CTNNA2: variants seen among roughly 807,000 people sequenced by gnomAD.
CTNNA2 encodes catenin alpha 2, also known as catenin alpha-2.
A neutral mutation model predicts 101.0 loss-of-function variants in CTNNA2; 42 were observed. The ratio of observed to expected loss-of-function variants is 0.42; its 90% CI spans 0.32 to 0.54. CTNNA2 has a LOEUF of 0.54. Ranked by LOEUF, CTNNA2 falls within the 20% of genes least tolerant of loss-of-function variation. The probability of loss-of-function intolerance (pLI) is 0.14; values close to 1 mark genes in which losing one functional copy is unlikely to be tolerated. For synonymous variants in CTNNA2, 450 were observed against 456.4 expected (o/e 0.99, Z 0.18); for missense variants, 871 against 1,223.1 (o/e 0.71, Z 4.29).
chr2:79,309,504 G>T (rs1486757936), intron 2 of CTNNA2, among the ~76,000 whole-genome samples: 2 of 152,150 alleles, frequency 1.3e-5, no homozygotes, highest in African/African-American at 4.8e-5. Flanking sequence ...AGAACAAAAA[G>T]CAGATTGATT....
intron 11 of CTNNA2, among the ~76,000 whole-genome samples, chr2:80,546,595 A>G (rs1692085592): frequency 6.6e-6 from 1 of 152,208 alleles, no homozygotes; most frequent in Non-Finnish European, 1.5e-5. Flanking sequence ...AGGTTGTAGA[A>G]GGAAGCGAGT....
rs1172114749 is a variant in CTNNA2, at chr2:80,393,301, T to C, written c.1137+10T>C. 1 of 1,590,438 alleles carries C rather than the reference T, an allele frequency of 6.3e-7. No individual in the cohort carries two copies. Among genetic ancestry groups the C allele is most frequent in the Non-Finnish European group, 8.6e-7 (1 of 1,164,728 alleles). On this transcript the variant is annotated intron_variant, in intron 8 of 18. Transcript: ENST00000402739. Reference sequence around the variant, plus strand: ...AGATCTAAGGAGACAGGTACTATTTTTTATTTTTACTTTAAGTCCATGATA... The same window carrying C: ...AGATCTAAGGAGACAGGTACTATTTCTTATTTTTACTTTAAGTCCATGATA...
At chr2:79,287,956 T>A (rs1675663547) in intron 2 of CTNNA2, among the ~76,000 whole-genome samples, 1 of 152,232 alleles carries the variant, frequency 6.6e-6, no homozygotes, top group African/African-American at 2.4e-5. Flanking sequence ...CCTGATGCGC[T>A]GTTTTTTAAG....
At chr2:80,174,593 T>C (rs186180756) in intron 7 of CTNNA2, among the ~76,000 whole-genome samples, 1 of 152,304 alleles carries the variant, frequency 6.6e-6, no homozygotes, top group African/African-American at 2.4e-5. Flanking sequence ...AACGATAGTC[T>C]CCTTGAAGCC....
intron 3 of CTNNA2, among the ~76,000 whole-genome samples, chr2:79,785,062 A>G (rs1048324969): frequency 6.6e-6 from 1 of 152,092 alleles, no homozygotes; most frequent in African/African-American, 2.4e-5. Context: ...CTCTGATCCA[A>G]ACAACGCCAT....
chr2:80,140,450 A>G (rs1475248681), intron 7 of CTNNA2, among the ~76,000 whole-genome samples: 1 of 152,064 alleles, frequency 6.6e-6, no homozygotes, highest in Non-Finnish European at 1.5e-5. Flanking sequence ...CACCTTTTGG[A>G]TCCAACATGG....
At chr2:80,467,232 C>A (rs1684935117) in intron 9 of CTNNA2, among the ~76,000 whole-genome samples, 1 of 152,122 alleles carries the variant, frequency 6.6e-6, no homozygotes, top group Non-Finnish European at 1.5e-5. Flanking sequence ...TACCTCCATC[C>A]TTCATGCACA....
chr2:79,390,579 T>A (rs997322368), intron 4 of CTNNA2, among the ~76,000 whole-genome samples: 1 of 152,170 alleles, frequency 6.6e-6, no homozygotes, highest in Non-Finnish European at 1.5e-5. Context: ...TTGATGTGGC[T>A]GCCACTTTAG....
At position 80,511,241 on chromosome 2, in the gene CTNNA2, A is replaced by G. The variant is rs544901241; in HGVS notation, c.1291-33741A>G. ...GCAAAATTGTAAAAAATTCAAAAGC[A>G]TAATGAGAGTTTTAGAGATGGAAAG... is the stretch of plus-strand genomic sequence containing the variant. On this transcript the variant is annotated intron_variant, in intron 9 of 18. Transcript: ENST00000402739. 2.1e-4 allele frequency among the ~76,000 whole-genome samples: 32 copies of G among 152,348 alleles called. No homozygotes were observed. In the East Asian group the frequency reaches 5.4e-3, roughly 26 times the overall value.
chr2:79,463,620 T>C (rs1405207517), intron 4 of CTNNA2, among the ~76,000 whole-genome samples: 1 of 152,122 alleles, frequency 6.6e-6, no homozygotes, highest in Non-Finnish European at 1.5e-5. Context: ...CTCAACAATG[T>C]TGTAGAAAAA....
At chr2:79,659,012 A>C (rs1482894917) in intron 2 of CTNNA2, among the ~76,000 whole-genome samples, 2 of 152,004 alleles carry the variant, frequency 1.3e-5, no homozygotes, top group African/African-American at 4.8e-5. Flanking sequence ...AAAGTAATCA[A>C]TTTTCTCCCT....
At chr2:79,526,835 C>G (rs1192341787) in intron 1 of CTNNA2, among the ~76,000 whole-genome samples, 1 of 152,024 alleles carries the variant, frequency 6.6e-6, no homozygotes, top group Non-Finnish European at 1.5e-5. Context: ...TAATGATAGA[C>G]TTCAATATGC....
intron 7 of CTNNA2, among the ~76,000 whole-genome samples, chr2:80,296,851 C>T (rs1163336175): frequency 6.6e-6 from 1 of 152,140 alleles, no homozygotes; most frequent in Non-Finnish European, 1.5e-5. Flanking sequence ...TTAACTGTCT[C>T]CAGACACAAA....
intron 3 of CTNNA2, among the ~76,000 whole-genome samples, chr2:79,371,288 T>C (rs1573131179): frequency 6.6e-6 from 1 of 151,818 alleles, no homozygotes; most frequent in South Asian, 2.1e-4. Flanking sequence ...ATGAGGCTTC[T>C]CCAGACAGGA....
intron 3 of CTNNA2, among the ~76,000 whole-genome samples, chr2:79,853,625 T>C (rs1680898154): frequency 2.6e-5 from 4 of 152,018 alleles, no homozygotes; most frequent in Admixed American, 6.6e-5. Flanking sequence ...CCTAAAACTC[T>C]GCCTTCCACA....
At chr2:80,086,619 A>G (rs1462252365) in intron 7 of CTNNA2, among the ~76,000 whole-genome samples, 2 of 152,036 alleles carry the variant, frequency 1.3e-5, no homozygotes, top group African/African-American at 4.8e-5. Flanking sequence ...GACCCCGGGC[A>G]AGGCATCTAC....
intron 2 of CTNNA2, among the ~76,000 whole-genome samples, chr2:79,244,649 T>C (rs1162762086): frequency 6.6e-6 from 1 of 152,182 alleles, no homozygotes; most frequent in African/African-American, 2.4e-5. Context: ...AGACACAACA[T>C]GTAAGCTCCA....
intron 1 of CTNNA2, among the ~76,000 whole-genome samples, chr2:79,558,445 T>G (rs1316133430): frequency 6.6e-6 from 1 of 151,914 alleles, no homozygotes; most frequent in African/African-American, 2.4e-5. Context: ...AAAGCTTTTA[T>G]GACATACAGT....
At chr2:80,381,113 G>T (rs1676472505) in intron 7 of CTNNA2, among the ~76,000 whole-genome samples, 1 of 152,118 alleles carries the variant, frequency 6.6e-6, no homozygotes, top group African/African-American at 2.4e-5. Flanking sequence ...CTAAGCCTGA[G>T]GAGTGCCAGT....
Sources: allele counts gnomAD v4.1 joint callset (sites outside exome capture counted in the v4.1 genomes callset), GRCh38; gene constraint gnomAD v4.1.1; transcripts MANE v1.5; gene names NCBI Gene and HGNC (gene_info 2026-07-23, HGNC 2026-07-21).